Variants in PYGL observed in about 807,000 individuals in gnomAD.
PYGL encodes the protein glycogen phosphorylase, liver form.
Under a neutral mutation model 100.1 loss-of-function variants are expected in PYGL, and 90 were observed. The observed-to-expected ratio is 0.90, with a 90% CI of 0.76 to 1.07. The LOEUF is 1.07. PYGL is among the 50% of genes least tolerant of loss of function. The probability of loss-of-function intolerance (pLI) is 0.00; values close to 1 mark genes in which losing one functional copy is unlikely to be tolerated. For synonymous variants in PYGL, 373 were observed against 393.0 expected (o/e 0.95, Z 0.60); for missense variants, 1,016 against 1,057.6 (o/e 0.96, Z 0.55).
Position 50,908,357 on chromosome 14 carries a change from A to G in PYGL, c.2313-20T>C, listed in dbSNP as rs374953847. On this transcript the variant is annotated intron_variant, in intron 18 of 19. Transcript: ENST00000216392. ...TTAAACCTTTTATTTTGTGAGTGGAAGAGGAAAAAAACAGTCAAAATCTTC... is the reference window on the plus strand; with the variant it reads ...TTAAACCTTTTATTTTGTGAGTGGAGGAGGAAAAAAACAGTCAAAATCTTC... The G allele has an allele frequency of 2.6e-5, 40 of 1,558,524 alleles. No individual in the cohort carries two copies. The African/African-American group carries it at 3.4e-4, about 13-fold the overall frequency.
Position 50,937,823 on chromosome 14 carries a change from G to A in PYGL, c.258C>T (p.Leu86=), listed in dbSNP as rs748734652. The A allele has an allele frequency of 4.3e-6, 7 of 1,612,120 alleles. No homozygotes were observed. In the African/African-American group the frequency reaches 8.0e-5, roughly 18 times the overall value. ...YDKCPKRVYY[L]SLEFYMGRTL... ...TTCGGCCCATGTAAAATTCCAGAGAGAGGTAATATACCCTCTGAAATAAAG... is the reference window on the plus strand; with the variant it reads ...TTCGGCCCATGTAAAATTCCAGAGAAAGGTAATATACCCTCTGAAATAAAG... The change falls in exon 2 of 20, where the codon CTC becomes CTT. Residue 86 remains leucine (L), a synonymous_variant. Coordinates refer to ENST00000216392, the MANE Select transcript of PYGL (RefSeq NM_002863.5).
Position 50,911,885 on chromosome 14 carries a change from G to A in PYGL, c.1828-14C>T. The A allele has an allele frequency of 6.2e-7, 1 of 1,614,126 alleles. No individual in the cohort carries two copies. Among genetic ancestry groups the A allele is most frequent in the Middle Eastern group, 1.6e-4 (1 of 6,062 alleles). On this transcript the variant is annotated splice_polypyrimidine_tract_variant and intron_variant, in intron 15 of 19. Coordinates refer to ENST00000216392, the MANE Select transcript of PYGL (RefSeq NM_002863.5). ...TCCTGGGGCAGCCTTTGGGGAAGAA[G>A]GTCAAACGCATTGACAGAAGGCAGC...
Position 50,917,063 on chromosome 14 carries a change from C to T in PYGL, c.898G>A (p.Val300Met). 4 of 1,613,918 alleles carry T rather than the reference C, an allele frequency of 2.5e-6. No homozygotes were observed. The highest frequency in any genetic ancestry group is 2.2e-5 in the East Asian group (1 of 44,878). ...KELRLKQEYFVVAATLQDIIR... is the reference protein window; with the variant it reads ...KELRLKQEYFMVAATLQDIIR... ...ATATCTTGCAAGGTTGCAGCCACCACAAAGTATTCCTGCTTCAATCTTAGC... is the reference window on the plus strand; with the variant it reads ...ATATCTTGCAAGGTTGCAGCCACCATAAAGTATTCCTGCTTCAATCTTAGC... Residue 300 changes from valine to methionine, a missense_variant, in exon 8 of 20, where the codon GTG becomes ATG. By Grantham distance (21) the Val-to-Met change is conservative (BLOSUM62 1). Transcript: ENST00000216392.
In PYGL at chr14:50,921,082, A is replaced by G; in HGVS notation, c.661-15T>C. 6.3e-7 allele frequency: 1 copy of G among 1,579,936 alleles called. No homozygotes were observed. Among genetic ancestry groups the G allele is most frequent in the Non-Finnish European group, 8.7e-7 (1 of 1,149,088 alleles). ...GCCAGGACCACCTGTGGGATTAAAC[A>G]GAAGCAGCTGCTCATTGTTTCCCAA... On this transcript the variant is annotated splice_polypyrimidine_tract_variant and intron_variant, in intron 5 of 19. Transcript: ENST00000216392.
rs761777914 is a variant in PYGL, at chr14:50,905,530, T to C, written c.2406A>G (p.Val802=). The C allele has an allele frequency of 3.1e-6, 5 of 1,613,916 alleles. No individual in the cohort carries two copies. The African/African-American group carries it at 6.7e-5, about 22-fold the overall frequency. The change falls in exon 20 of 20, where the codon GTA becomes GTG. Residue 802 remains valine, a synonymous_variant. Transcript: ENST00000216392. ...YMNPKAWNTM[V]LKNIAASGKF... The stretch of plus-strand genomic sequence containing the variant: ...TCCCCGAGGCAGCTATGTTTTTGAG[T>C]ACCATTGTGTTCCAGGCCTTTGGAT...
chr14:50,944,129 G>A (rs1480327575), intron 1 of PYGL, 32 bp downstream of exon 1: 5 of 1,579,820 alleles, frequency 3.2e-6, no homozygotes, highest in African/African-American at 1.3e-5. Context: ...ACTCCGGGCT[G>A]GACCCCGGCC....
intron 17 of PYGL, 81 bp from the exon 18 acceptor site, chr14:50,909,036 T>A (rs1042928941): frequency 1.2e-5 from 17 of 1,449,100 alleles, no homozygotes; most frequent in Admixed American, 1.0e-4. Context: ...GACACTGCAT[T>A]CACTGTGAAA....
chr14:50,941,971 C>T (rs1251589385), intron 1 of PYGL, among the ~76,000 whole-genome samples: 2 of 152,104 alleles, frequency 1.3e-5, no homozygotes, highest in South Asian at 2.1e-4. Context: ...AGGAAGATAT[C>T]TAGATATGTT....
intron 19 of PYGL, among the ~76,000 whole-genome samples, chr14:50,906,551 C>A (rs1287525994): frequency 6.6e-6 from 1 of 152,094 alleles, no homozygotes; most frequent in Non-Finnish European, 1.5e-5. Flanking sequence ...CAAGAAAGAC[C>A]GAATCAAATG....
intron 4 of PYGL, among the ~76,000 whole-genome samples, chr14:50,929,633 C>T (rs963613116): frequency 6.6e-6 from 1 of 152,048 alleles, no homozygotes. Context: ...GAAATGAGAT[C>T]CTTGGAAATT....
At chr14:50,909,429 G>T (rs1328159686) in intron 17 of PYGL, among the ~76,000 whole-genome samples, 1 of 152,080 alleles carries the variant, frequency 6.6e-6, no homozygotes, top group East Asian at 1.9e-4. Context: ...CTTGAACTCA[G>T]GTTAATAAAC....
In PYGL at chr14:50,920,998, G is replaced by A; in HGVS notation, c.730C>T (p.Leu244Phe). The change falls in exon 6 of 20, where the codon CTC (leucine) becomes TTC (phenylalanine). Residue 244 changes from leucine (L) to phenylalanine (F), a missense_variant. Leu to Phe is a conservative substitution (Grantham distance 22). Transcript: ENST00000216392. ...YMNNTVNTMR[L>F]WSARAPNDFN... ...TCATTTGGTGCCCGAGCAGACCAGA[G>A]GCGCATGGTGTTGACAGTGTTATTC... The A allele has an allele frequency of 6.2e-7, 1 of 1,614,220 alleles. No individual in the cohort carries two copies. The highest frequency in any genetic ancestry group is 2.2e-5 in the East Asian group (1 of 44,888).
chr14:50,913,259 A>G (rs113236787), intron 12 of PYGL, 129 bp from the exon 13 acceptor site: 39 of 756,844 alleles, frequency 5.2e-5, no homozygotes, highest in African/African-American at 3.6e-4. Context: ...AACATGGGAT[A>G]GTTTGACTCA....
chr14:50,922,602 T>A (rs1266252276), intron 5 of PYGL, among the ~76,000 whole-genome samples: 2 of 152,150 alleles, frequency 1.3e-5, no homozygotes, highest in Admixed American at 1.3e-4. Flanking sequence ...CAAAGAGGAC[T>A]TGCTCCCTCA....
At position 50,914,234 on chromosome 14, in the gene PYGL, G is replaced by A. The variant is rs561558379; in HGVS notation, c.1518+467C>T. On this transcript the variant is annotated intron_variant, in intron 12 of 19. Transcript: ENST00000216392. ...ATGACGGCTATGTGTGATGGCTCAT[G>A]CCTGTATTCCCAGCACTTTGGGAGG... 2.0e-5 allele frequency among the ~76,000 whole-genome samples: 3 copies of A among 152,278 alleles called. 1 individual carries two copies. Among genetic ancestry groups the A allele is most frequent in the African/African-American group, 7.2e-5 (3 of 41,548 alleles).
chr14:50,908,991 C>A (rs1038940783), intron 17 of PYGL, 36 bp from the exon 18 acceptor site: 1 of 1,568,540 alleles, frequency 6.4e-7, no homozygotes, highest in African/African-American at 1.4e-5. Flanking sequence ...TAAAAAAAGG[C>A]TCTGTTATTG....
chr14:50,929,283 C>T (rs1171305528), intron 4 of PYGL, among the ~76,000 whole-genome samples: 2 of 152,116 alleles, frequency 1.3e-5, no homozygotes, highest in Admixed American at 6.6e-5. Context: ...GAACTCCTGA[C>T]CTCAAATGAT....
intron 1 of PYGL, 145 bp downstream of exon 1, chr14:50,944,016 G>T: frequency 3.4e-6 from 4 of 1,164,358 alleles, no homozygotes; most frequent in Middle Eastern, 2.8e-4. Flanking sequence ...CCCGCCCACA[G>T]CCTAGACACG....
chr14:50,928,610 G>A (rs2050576100), intron 4 of PYGL, among the ~76,000 whole-genome samples: 1 of 151,738 alleles, frequency 6.6e-6, no homozygotes, highest in African/African-American at 2.4e-5. Flanking sequence ...CCCATGAGAG[G>A]AGATGGTAAA....
Sources: allele counts gnomAD v4.1 joint callset (sites outside exome capture counted in the v4.1 genomes callset), GRCh38; gene constraint gnomAD v4.1.1; transcripts MANE v1.5; gene names NCBI Gene and HGNC (gene_info 2026-07-23, HGNC 2026-07-21).